The following TNNT3 variants were observed in gnomAD, a reference collection of about 807,000 sequenced individuals.
TNNT3 encodes the protein troponin T3, fast skeletal type.
In TNNT3, 36 loss-of-function variants were observed where a neutral mutation model predicts 54.2. The observed-to-expected ratio is 0.66, with a 90% CI of 0.51 to 0.88. The LOEUF is 0.88. Among genes scored for constraint, TNNT3 ranks in the 40% least tolerant of loss-of-function variants. The pLI is 0.00. For missense variants in TNNT3, 291 were observed against 331.6 expected, an observed-to-expected ratio of 0.88 and a Z score of 0.95; for synonymous variants, 120 against 109.7, an observed-to-expected ratio of 1.09 and a Z score of -0.59.
At chr11:1,920,985 C>CG (rs1274261248) in intron 1 of TNNT3, among the ~76,000 whole-genome samples, 1 of 152,120 alleles carries the variant, frequency 6.6e-6, no homozygotes, top group African/African-American at 2.4e-5. Context: ...CAGCGCACGT[C>CG]GGGGGGCCTG....
Position 1,926,729 on chromosome 11 carries a change from C to G in TNNT3, c.82+20C>G, listed in dbSNP as rs1192463459. 6.2e-6 allele frequency: 10 copies of G among 1,613,282 alleles called. No homozygotes were observed. The highest frequency in any genetic ancestry group is 7.6e-6 in the Non-Finnish European group (9 of 1,180,036). On this transcript the variant is annotated intron_variant, in intron 6 of 15. Transcript: ENST00000278317. ...AAGAAGGTACGCCGGCGCTCCCCCG[C>G]CTCCAGGCCAGAGTCTCCGTCCTCC...
intron 15 of TNNT3, among the ~76,000 whole-genome samples, chr11:1,937,567 G>T (rs1855488030): frequency 6.6e-6 from 1 of 152,182 alleles, no homozygotes; most frequent in South Asian, 2.1e-4. Context: ...CTGCACCCAG[G>T]GTGCCCCCGG....
intron 1 of TNNT3, 26 bp from the exon 2 acceptor site, chr11:1,922,831 C>CTCTCTCTCTGAA (rs776487422): frequency 1.2e-6 from 2 of 1,606,916 alleles, no homozygotes; most frequent in Non-Finnish European, 1.7e-6. Flanking sequence ...CTCTCTCTCT[C>CTCTCTCTCTGAA]TCTCTCTCTG....
chr11:1,936,539 G>A (rs1855109134), intron 14 of TNNT3, among the ~76,000 whole-genome samples: 2 of 152,204 alleles, frequency 1.3e-5, no homozygotes, highest in Admixed American at 1.3e-4. Flanking sequence ...GGGAGCGGCT[G>A]GCCCAGGAGC....
At chr11:1,922,569 C>T (rs896221361) in intron 1 of TNNT3, among the ~76,000 whole-genome samples, 1 of 152,122 alleles carries the variant, frequency 6.6e-6, no homozygotes, top group Non-Finnish European at 1.5e-5. Flanking sequence ...GTGGACGCCA[C>T]GACCTTCCAA....
intron 5 of TNNT3, among the ~76,000 whole-genome samples, chr11:1,925,570 G>C (rs1429954177): frequency 6.6e-6 from 1 of 152,062 alleles, no homozygotes; most frequent in Non-Finnish European, 1.5e-5. Flanking sequence ...CCAAGCATGG[G>C]GCAGAGGGGA....
chr11:1,922,751 C>T (rs1396674796), intron 1 of TNNT3, 106 bp from the exon 2 acceptor site: 4 of 1,141,052 alleles, frequency 3.5e-6, no homozygotes, highest in Non-Finnish European at 5.2e-6. Context: ...TGCCCGCGGT[C>T]CCCCACAGCG....
intron 15 of TNNT3, among the ~76,000 whole-genome samples, chr11:1,937,621 C>T (rs1855504165): frequency 6.6e-6 from 1 of 152,204 alleles, no homozygotes; most frequent in Admixed American, 6.5e-5. Context: ...AGCTGCACAG[C>T]CAGTGCCATT....
chr11:1,936,334 C>G (rs1855029391), intron 14 of TNNT3: 2 of 1,508,054 alleles, frequency 1.3e-6, no homozygotes, highest in Non-Finnish European at 1.8e-6. Context: ...TGGCAAAAAC[C>G]TGGATCGCTC....
intron 15 of TNNT3, among the ~76,000 whole-genome samples, chr11:1,937,267 G>A (rs1216698754): frequency 2.0e-5 from 3 of 152,076 alleles, no homozygotes; most frequent in East Asian, 1.9e-4. Context: ...TCACGCCCTC[G>A]CCCCGAGTCT....
In TNNT3 at chr11:1,924,963, C is replaced by G. The variant is rs571772064; in HGVS notation, c.50-136C>G. 4.1e-3 allele frequency: 3,897 copies of G among 940,650 alleles called. 65 individuals are homozygous for G. Among genetic ancestry groups the G allele is most frequent in the South Asian group, 0.022 (1,604 of 72,296 alleles). The allele number at this position is 940,650 out of a possible 1,614,324, so 58.3% of individuals were successfully genotyped here. The stretch of plus-strand genomic sequence containing the variant: ...ACTGAGCCCCATCTTTCACCCCTGC[C>G]AAGCGAGCCCCAGGCCCTCTTCTCC... On this transcript the variant is annotated intron_variant, in intron 4 of 15. Transcript: ENST00000278317.
At chr11:1,920,760 T>G (rs1192460168) in intron 1 of TNNT3, among the ~76,000 whole-genome samples, 1 of 152,174 alleles carries the variant, frequency 6.6e-6, no homozygotes, top group Non-Finnish European at 1.5e-5. Flanking sequence ...AGGCAGGCAC[T>G]AACTGGACAC....
At chr11:1,928,771 G>A (rs1406058917) in intron 6 of TNNT3, among the ~76,000 whole-genome samples, 1 of 152,174 alleles carries the variant, frequency 6.6e-6, no homozygotes, top group Non-Finnish European at 1.5e-5. Context: ...CAGATGCCAA[G>A]GTTGGCCCTG....
intron 9 of TNNT3, 104 bp downstream of exon 9, chr11:1,932,618 G>A: frequency 1.7e-6 from 2 of 1,145,574 alleles, no homozygotes; most frequent in South Asian, 1.2e-5. Flanking sequence ...GCCAGAGCCG[G>A]GGCCTCCTGG....
intron 6 of TNNT3, among the ~76,000 whole-genome samples, chr11:1,928,338 T>C (rs1852222357): frequency 1.3e-5 from 2 of 151,854 alleles, no homozygotes; most frequent in African/African-American, 4.8e-5. Context: ...GCAGAGTGTA[T>C]CCTAAAGGAA....
chr11:1,921,889 C>T (rs866111832), intron 1 of TNNT3, among the ~76,000 whole-genome samples: 30 of 152,226 alleles, frequency 2.0e-4, no homozygotes, highest in African/African-American at 7.0e-4. Flanking sequence ...CCAGTGTGCA[C>T]GGTGGCCAGC....
At chr11:1,923,508 G>A in intron 3 of TNNT3, 47 bp from the exon 4 acceptor site, 1 of 1,610,220 alleles carries the variant, frequency 6.2e-7, no homozygotes, top group Non-Finnish European at 8.5e-7. Context: ...CCCTTCACGG[G>A]CTGCCCCTTC....
At chr11:1,938,383 G>T in intron 15 of TNNT3, 55 bp from the exon 16 acceptor site, 1 of 1,586,676 alleles carries the variant, frequency 6.3e-7, no homozygotes, top group South Asian at 1.1e-5. Context: ...GGGGGACCAG[G>T]AGGGGCATGG....
chr11:1,931,519 A>T lies in TNNT3; in HGVS notation c.126-950A>T, dbSNP rs1712022692. ...TGATTCTTTGGCTTTGCGCCCTAAC[A>T]GTCACTCGGGGCCAGCGTTTCCCTG... is the stretch of plus-strand genomic sequence containing the variant. On this transcript the variant is annotated intron_variant, in intron 8 of 15. Transcript: ENST00000278317. 3.5e-5 allele frequency among the ~76,000 whole-genome samples: 5 copies of T among 142,434 alleles called. No homozygotes were observed. The South Asian group carries it at 1.3e-3, about 36-fold the overall frequency. The allele number at this position is 142,434 out of a possible 152,430, so 93.4% of individuals were successfully genotyped here. A position where few individuals can be genotyped will look rare whatever the true frequency, so the allele number is the denominator to read the frequency against.
Sources: allele counts gnomAD v4.1 joint callset (sites outside exome capture counted in the v4.1 genomes callset), GRCh38; gene constraint gnomAD v4.1.1; transcripts MANE v1.5; gene names NCBI Gene and HGNC (gene_info 2026-07-23, HGNC 2026-07-21).